The following DNAH9 variants were observed in gnomAD, a reference collection of about 807,000 sequenced individuals.
DNAH9 encodes DNAH9 variant protein.
A neutral mutation model predicts 471.6 loss-of-function variants in DNAH9; 345 were observed. The observed-to-expected ratio is 0.73, with a 90% CI of 0.67 to 0.80. The LOEUF (loss-of-function observed/expected upper bound fraction) is 0.80, where lower values mean the gene tolerates loss of function less well. Ranked by LOEUF, DNAH9 falls within the 30% of genes least tolerant of loss-of-function variation. The pLI is 0.00. For synonymous variants in DNAH9, 2,093 were observed against 2,123.6 expected (o/e 0.99, Z 0.40); for missense variants, 5,407 against 5,609.2 (o/e 0.96, Z 1.15).
Position 11,859,964 on chromosome 17 carries a change from G to A in DNAH9, c.9933+5536G>A, listed in dbSNP as rs1971783251. On this transcript the variant is annotated intron_variant, in intron 50 of 68. Transcript: ENST00000262442. Reference sequence around the variant, plus strand: ...AGCACAAGATGACACTCTTACCCCTGCCTTCAGCTCCCTTCCTTCTACTTC... The same window carrying A: ...AGCACAAGATGACACTCTTACCCCTACCTTCAGCTCCCTTCCTTCTACTTC... 2.6e-5 allele frequency among the ~76,000 whole-genome samples: 4 copies of A among 152,108 alleles called. No homozygotes were observed. The South Asian group carries it at 8.3e-4, about 32-fold the overall frequency.
chr17:11,751,648 C>T (rs374234292), intron 32 of DNAH9, among the ~76,000 whole-genome samples: 1 of 151,976 alleles, frequency 6.6e-6, no homozygotes, highest in East Asian at 1.9e-4. Context: ...AATAATGATA[C>T]AGTAAATTTC....
At chr17:11,724,880 CATCATGTAGA>C (rs1248984728) in intron 27 of DNAH9, among the ~76,000 whole-genome samples, 3 of 152,106 alleles carry the variant, frequency 2.0e-5, no homozygotes, top group African/African-American at 7.2e-5. Context: ...TACAACTCAC[CATCATGTAGA>C]ATCAGTGGGG....
chr17:11,611,437 C>G (rs969236800), intron 3 of DNAH9, among the ~76,000 whole-genome samples: 1 of 152,240 alleles, frequency 6.6e-6, no homozygotes. Context: ...AGCAGTGTTT[C>G]CTGGAGCTGC....
intron 38 of DNAH9, among the ~76,000 whole-genome samples, chr17:11,775,402 T>C (rs1303641872): frequency 6.6e-6 from 1 of 151,978 alleles, no homozygotes; most frequent in African/African-American, 2.4e-5. Context: ...AAGCAAACCT[T>C]TTTTGCTTGA....
intron 9 of DNAH9, among the ~76,000 whole-genome samples, chr17:11,637,154 G>C (rs1296815383): frequency 6.6e-6 from 1 of 152,156 alleles, no homozygotes; most frequent in Non-Finnish European, 1.5e-5. Context: ...AGTTTCTTAT[G>C]CCTTCCAATG....
chr17:11,964,670 C>T (rs146020783), intron 68 of DNAH9, among the ~76,000 whole-genome samples: 2 of 152,272 alleles, frequency 1.3e-5, no homozygotes, highest in Non-Finnish European at 2.9e-5. Flanking sequence ...TCAAGCAAAA[C>T]AGCTGAATCT....
At chr17:11,863,255 C>T (rs1425297946) in intron 50 of DNAH9, among the ~76,000 whole-genome samples, 1 of 152,092 alleles carries the variant, frequency 6.6e-6, no homozygotes, top group East Asian at 1.9e-4. Flanking sequence ...TGTCAAAGGC[C>T]TTTTCTGCAT....
At chr17:11,945,656 A>AG (rs1166220076) in intron 67 of DNAH9, among the ~76,000 whole-genome samples, 1 of 152,024 alleles carries the variant, frequency 6.6e-6, no homozygotes, top group African/African-American at 2.4e-5. Flanking sequence ...GGAAGGAAGG[A>AG]GGGGGGTGAG....
chr17:11,940,494 G>A (rs1488248832), intron 66 of DNAH9, among the ~76,000 whole-genome samples: 3 of 152,128 alleles, frequency 2.0e-5, no homozygotes, highest in African/African-American at 7.2e-5. Flanking sequence ...TTAGCCATTT[G>A]TCTTCTACCC....
chr17:11,763,423 CG>C lies in DNAH9; in HGVS notation c.6996-14del. On this transcript the variant is annotated splice_polypyrimidine_tract_variant and intron_variant, in intron 35 of 68. Transcript: ENST00000262442. ...ATATCCTCTGTGTTTCAGATCCCCTCGGGTCTCTCTTTGCAGGTTTAAGAAG... is the reference window on the plus strand; with the variant it reads ...ATATCCTCTGTGTTTCAGATCCCCTCGGTCTCTCTTTGCAGGTTTAAGAAG... The C allele has an allele frequency of 6.2e-7, 1 of 1,610,908 alleles. No homozygotes were observed. Among genetic ancestry groups the C allele is most frequent in the South Asian group, 1.1e-5 (1 of 90,638 alleles).
intron 50 of DNAH9, among the ~76,000 whole-genome samples, chr17:11,856,963 T>C (rs2322056): frequency 0.47 from 70,973 of 151,774 alleles, 17,145 homozygotes; most frequent in Non-Finnish European, 0.54. Flanking sequence ...AACGTTTTGC[T>C]TTGGCCTCCC....
chr17:11,761,930 G>T (rs1006948360), intron 35 of DNAH9, among the ~76,000 whole-genome samples: 1 of 152,080 alleles, frequency 6.6e-6, no homozygotes, highest in Non-Finnish European at 1.5e-5. Flanking sequence ...CCCTCTGCGA[G>T]TCCCACCTAA....
At chr17:11,598,956 G>A (rs1295009512) in intron 1 of DNAH9, 41 bp downstream of exon 1, 2 of 1,428,020 alleles carry the variant, frequency 1.4e-6, no homozygotes, top group Admixed American at 2.7e-5. Context: ...AAAGCTGGGT[G>A]GGGGAGGGGA....
intron 68 of DNAH9, among the ~76,000 whole-genome samples, chr17:11,965,097 A>C (rs1338205608): frequency 5.9e-5 from 9 of 152,214 alleles, no homozygotes; most frequent in African/African-American, 9.6e-5. Flanking sequence ...AGATGGCCAT[A>C]GGGGGCTTTG....
At chr17:11,856,034 CT>C (rs1229768965) in intron 50 of DNAH9, among the ~76,000 whole-genome samples, 1 of 152,266 alleles carries the variant, frequency 6.6e-6, no homozygotes, top group East Asian at 1.9e-4. Flanking sequence ...AGCTGCCCCC[CT>C]GCTGTGTGAC....
intron 49 of DNAH9, among the ~76,000 whole-genome samples, chr17:11,850,064 C>G (rs1405823959): frequency 1.3e-5 from 2 of 152,226 alleles, no homozygotes; most frequent in East Asian, 3.9e-4. Flanking sequence ...AATACAACTT[C>G]AAAGTGACTT....
intron 20 of DNAH9, among the ~76,000 whole-genome samples, 172 bp downstream of exon 20, chr17:11,690,608 G>A (rs1397849210): frequency 6.6e-6 from 1 of 151,844 alleles, no homozygotes; most frequent in Non-Finnish European, 1.5e-5. Context: ...GTTAGGCAGA[G>A]GAAAAGAGGG....
intron 42 of DNAH9, 34 bp downstream of exon 42, chr17:11,793,698 GA>G (rs759311007): frequency 0.021 from 21,856 of 1,063,048 alleles, 5 homozygotes; most frequent in East Asian, 0.033. Context: ...CTTTGTATTT[GA>G]AAAAAAAAAA....
intron 48 of DNAH9, among the ~76,000 whole-genome samples, chr17:11,830,963 G>C (rs1970668457): frequency 6.6e-6 from 1 of 152,108 alleles, no homozygotes; most frequent in African/African-American, 2.4e-5. Context: ...CTTAAACTAA[G>C]TTACCAGAAT....
Sources: allele counts gnomAD v4.1 joint callset (sites outside exome capture counted in the v4.1 genomes callset), GRCh38; gene constraint gnomAD v4.1.1; transcripts MANE v1.5; gene names NCBI Gene and HGNC (gene_info 2026-07-23, HGNC 2026-07-21).